DPP6: variants seen among roughly 807,000 people sequenced by gnomAD.
DPP6 encodes the protein dipeptidyl peptidase like 6.
In DPP6, 69 loss-of-function variants were observed where a neutral mutation model predicts 122.6. The ratio of observed to expected loss-of-function variants is 0.56; its 90% confidence interval spans 0.46 to 0.69. The LOEUF is 0.69. Among genes scored for constraint, DPP6 ranks in the 30% least tolerant of loss-of-function variants. The pLI is 0.00. For missense variants in DPP6, 928 were observed against 1,116.9 expected, an observed-to-expected ratio of 0.83 and a Z score of 2.41; for synonymous variants, 418 against 433.1, an observed-to-expected ratio of 0.97 and a Z score of 0.43.
chr7:154,034,060 C>T (rs1444686835), intron 1 of DPP6, among the ~76,000 whole-genome samples: 2 of 152,142 alleles, frequency 1.3e-5, no homozygotes, highest in Non-Finnish European at 2.9e-5. Flanking sequence ...TGCCACTATT[C>T]TAGTAATAGT....
chr7:154,208,871 A>C (rs557622193), intron 1 of DPP6, among the ~76,000 whole-genome samples: 1 of 152,318 alleles, frequency 6.6e-6, no homozygotes, highest in South Asian at 2.1e-4. Context: ...TTTAGAACAT[A>C]TTAAATATGT....
chr7:154,653,887 G>A (rs773953516), intron 6 of DPP6, among the ~76,000 whole-genome samples: 9 of 151,902 alleles, frequency 5.9e-5, no homozygotes, highest in Non-Finnish European at 1.2e-4. Flanking sequence ...TTCCATTTCC[G>A]TGTGACTGTG....
At chr7:154,350,701 G>A (rs1189156327) in intron 1 of DPP6, among the ~76,000 whole-genome samples, 1 of 152,184 alleles carries the variant, frequency 6.6e-6, no homozygotes, top group Non-Finnish European at 1.5e-5. Context: ...TCAACTGCCC[G>A]TTGCATGGTA....
At chr7:154,660,313 C>T (rs1238413076) in intron 6 of DPP6, among the ~76,000 whole-genome samples, 5 of 141,812 alleles carry the variant, frequency 3.5e-5, no homozygotes, top group Admixed American at 7.0e-5. Flanking sequence ...GGCGTATTGG[C>T]CGTAGTGTTC....
In DPP6 at chr7:154,876,045, G is replaced by A. The variant is rs377194563; in HGVS notation, c.2023G>A (p.Glu675Lys). Residue 675 changes from glutamate to lysine, a missense_variant, in exon 20 of 26, where the codon GAA becomes AAA. Physicochemically the swap from Glu to Lys is moderately conservative, Grantham distance 56 (BLOSUM62 1). Transcript: ENST00000377770. Reference sequence around the variant, plus strand: ...CTTCCAAGGGACCAAGCTCCTGCACGAAGTGAGGCGGCGGCTGGGCTTGCT... The same window carrying A: ...CTTCCAAGGGACCAAGCTCCTGCACAAAGTGAGGCGGCGGCTGGGCTTGCT... ...SGFQGTKLLH[E>K]VRRRLGLLEE... is the part of the protein sequence containing the mutation. 3.1e-6 allele frequency: 5 copies of A among 1,611,144 alleles called. No individual in the cohort carries two copies. The highest frequency in any genetic ancestry group is 4.2e-6 in the Non-Finnish European group (5 of 1,178,298).
chr7:154,113,759 T>C (rs1205589197), intron 1 of DPP6, among the ~76,000 whole-genome samples: 1 of 152,250 alleles, frequency 6.6e-6, no homozygotes. Context: ...GAGTCGTTTT[T>C]TATGTACAGC....
At chr7:154,528,078 A>G (rs532890633) in intron 3 of DPP6, among the ~76,000 whole-genome samples, 1 of 152,324 alleles carries the variant, frequency 6.6e-6, no homozygotes, top group East Asian at 1.9e-4. Context: ...AGCTTGAAGA[A>G]TCGCATAGGT....
At position 153,998,026 on chromosome 7, in the gene DPP6, G is replaced by A. The variant is rs114562951; in HGVS notation, c.51+110292G>A. On this transcript the variant is annotated intron_variant, in intron 1 of 25. Transcript: ENST00000404039. ...TCCAGCACCATCAGGATGTCTCCAC[G>A]AAGGTGACAGTGTCTTGTCTAGGTC... Among the ~76,000 whole-genome samples the A allele has an allele frequency of 2.7e-3, 412 of 151,456 alleles. 4 individuals are homozygous for A. Among genetic ancestry groups the A allele is most frequent in the African/African-American group, 9.6e-3 (392 of 40,822 alleles).
At chr7:154,583,730 A>T (rs1398043460) in intron 5 of DPP6, among the ~76,000 whole-genome samples, 2 of 152,156 alleles carry the variant, frequency 1.3e-5, no homozygotes, top group Non-Finnish European at 2.9e-5. Context: ...GAACCTCAAC[A>T]ACAAGGCTCC....
At chr7:153,989,173 G>A (rs71530459) in intron 1 of DPP6, among the ~76,000 whole-genome samples, 9 of 146,708 alleles carry the variant, frequency 6.1e-5, no homozygotes, top group African/African-American at 1.0e-4. Flanking sequence ...GAGCGTGTGC[G>A]GGAGAGGGTG....
rs3807265 is a variant in DPP6, at chr7:154,727,733, C to T, written c.763-34C>T. On this transcript the variant is annotated intron_variant, in intron 7 of 25. Transcript: ENST00000377770. ...CAGCCTATTTATAACCACTTCCTTG[C>T]TTAATATTATGCTTTTTTCTCTTTC... The T allele has an allele frequency of 2.1e-5, 33 of 1,573,606 alleles. No individual in the cohort carries two copies. In the East Asian group the frequency reaches 7.6e-4, roughly 36 times the overall value.
intron 2 of DPP6, among the ~76,000 whole-genome samples, chr7:154,474,096 G>A (rs999690457): frequency 3.3e-5 from 5 of 152,210 alleles, no homozygotes; most frequent in Non-Finnish European, 5.9e-5. Flanking sequence ...TGGTGGAATG[G>A]ACTGGCCTGT....
At chr7:154,666,204 CATAT>C (rs1491402208) in intron 6 of DPP6, among the ~76,000 whole-genome samples, 16 of 76,550 alleles carry the variant, frequency 2.1e-4, no homozygotes, top group Admixed American at 3.3e-4. Flanking sequence ...TATATATACA[CATAT>C]ACATACATAC....
chr7:153,758,943 G>T, the DPP6 span, among the ~76,000 whole-genome samples: 89 of 152,308 alleles, frequency 5.8e-4, no homozygotes, highest in African/African-American at 1.9e-3. Flanking sequence ...AACTTTTTAA[G>T]AAACTGTTAA....
the DPP6 span, among the ~76,000 whole-genome samples, chr7:153,822,027 G>T: frequency 2.7e-3 from 412 of 152,054 alleles, 1 homozygote; most frequent in South Asian, 0.022. Context: ...TCTCCATGTG[G>T]CTCACGGGTT....
chr7:153,790,740 G>A, the DPP6 span, among the ~76,000 whole-genome samples: 1 of 152,154 alleles, frequency 6.6e-6, no homozygotes, highest in South Asian at 2.1e-4. Flanking sequence ...ATGATCTGTC[G>A]TGTCCATTTT....
intron 1 of DPP6, among the ~76,000 whole-genome samples, chr7:154,062,647 G>T (rs866226214): frequency 2.0e-5 from 1 of 50,926 alleles, no homozygotes; most frequent in Admixed American, 1.9e-4. Flanking sequence ...CCCATCGCAG[G>T]AGGGGGAGGC....
chr7:154,380,516 G>A (rs1299252465), intron 1 of DPP6, among the ~76,000 whole-genome samples: 4 of 152,208 alleles, frequency 2.6e-5, no homozygotes, highest in Non-Finnish European at 5.9e-5. Context: ...GGTAGCATGG[G>A]GCAGGTGGGA....
chr7:153,824,234 C>CA, the DPP6 span, among the ~76,000 whole-genome samples: 1 of 151,760 alleles, frequency 6.6e-6, no homozygotes, highest in Non-Finnish European at 1.5e-5. Context: ...ACTAAATACG[C>CA]AAAAATTAGC....
Sources: allele counts gnomAD v4.1 joint callset (sites outside exome capture counted in the v4.1 genomes callset), GRCh38; gene constraint gnomAD v4.1.1; transcripts MANE v1.5; gene names NCBI Gene and HGNC (gene_info 2026-07-23, HGNC 2026-07-21).